Variants in FREM1 observed in about 807,000 individuals in gnomAD.
The protein encoded by FREM1 is FRAS1-related extracellular matrix protein 1.
FREM1 carries 220 observed loss-of-function variants against 210.1 expected under a neutral mutation model. The observed-to-expected ratio is 1.05, with a 90% CI of 0.94 to 1.17. FREM1 has a LOEUF of 1.17. Among genes scored for constraint, FREM1 ranks in the 50% most tolerant of loss-of-function variants. FREM1 has a pLI of 0.00. For synonymous variants in FREM1, 1,189 were observed against 980.2 expected (o/e 1.21, Z -3.98); for missense variants, 3,454 against 2,675.5 (o/e 1.29, Z -6.42).
At chr9:14,759,016 G>T (rs74347481) in intron 28 of FREM1, among the ~76,000 whole-genome samples, 2 of 152,158 alleles carry the variant, frequency 1.3e-5, no homozygotes, top group Non-Finnish European at 2.9e-5. Flanking sequence ...TGACTGAGGT[G>T]AATACTAAGA....
intron 8 of FREM1, 26 bp downstream of exon 8, chr9:14,845,934 C>G (rs777493218): frequency 1.2e-5 from 20 of 1,611,802 alleles, no homozygotes; most frequent in Admixed American, 5.0e-5. Context: ...GGATTCTTTG[C>G]TAGGTTACCA....
At chr9:14,745,783 A>T (rs1342116375) in intron 35 of FREM1, among the ~76,000 whole-genome samples, 2 of 152,220 alleles carry the variant, frequency 1.3e-5, no homozygotes, top group African/African-American at 2.4e-5. Flanking sequence ...GTCCTTCTGG[A>T]CTACATACAT....
At chr9:14,870,962 T>C (rs1021282612) in intron 1 of FREM1, among the ~76,000 whole-genome samples, 6 of 152,104 alleles carry the variant, frequency 3.9e-5, no homozygotes, top group African/African-American at 1.4e-4. Context: ...ATTTCATCCA[T>C]GTCCCTACAA....
intron 24 of FREM1, among the ~76,000 whole-genome samples, chr9:14,781,562 T>C (rs1178931635): frequency 6.6e-6 from 1 of 152,170 alleles, no homozygotes; most frequent in Non-Finnish European, 1.5e-5. Flanking sequence ...TTTTCTTATA[T>C]TTAGTTTTAT....
At chr9:14,849,766 G>C (rs1827338262) in intron 6 of FREM1, among the ~76,000 whole-genome samples, 3 of 152,104 alleles carry the variant, frequency 2.0e-5, no homozygotes, top group Non-Finnish European at 4.4e-5. Context: ...AAAAAATTGA[G>C]AGTTACTGTC....
In FREM1 at chr9:14,759,790, C is replaced by T. The variant is rs775863172; in HGVS notation, c.5316G>A (p.Ser1772=). 32 of 1,607,864 alleles carry T rather than the reference C, an allele frequency of 2.0e-5. No homozygotes were observed. Among genetic ancestry groups the T allele is most frequent in the South Asian group, 4.5e-5 (4 of 89,706 alleles). ...EIIRRGYSMD[S]AFVGIKVNQV... ...TCATTACCTTTATACCCACAAAGGC[C>T]GAGTCCATGGAATATCCCCTTCTGA... The change falls in exon 28 of 37, where the codon TCG becomes TCA. Residue 1772 remains serine (S), a synonymous_variant. Coordinates refer to ENST00000380880, the MANE Select transcript of FREM1 (RefSeq NM_001379081.2).
chr9:14,813,904 G>A (rs1819841485), intron 15 of FREM1, among the ~76,000 whole-genome samples: 1 of 152,148 alleles, frequency 6.6e-6, no homozygotes, highest in African/African-American at 2.4e-5. Context: ...TTTAACGTGT[G>A]GACTTTAAGT....
At position 14,748,382 on chromosome 9, in the gene FREM1, A is replaced by G. The variant is rs538439153; in HGVS notation, c.5796+19T>C. On this transcript the variant is annotated intron_variant, in intron 31 of 36. Transcript: ENST00000380880. Reference sequence around the variant, plus strand: ...ATATGTATTTTGCACATCATTTCCCAGAAGGTCCCCATCCTTACTGTTTTG... The same window carrying G: ...ATATGTATTTTGCACATCATTTCCCGGAAGGTCCCCATCCTTACTGTTTTG... 39 of 1,372,644 alleles carry G rather than the reference A, an allele frequency of 2.8e-5. No homozygotes were observed. In the East Asian group the frequency reaches 5.5e-4, roughly 19 times the overall value. The allele number at this position is 1,372,644 out of a possible 1,614,324, so 85.0% of individuals were successfully genotyped here.
chr9:14,884,596 G>C (rs1157198805), intron 1 of FREM1, among the ~76,000 whole-genome samples: 3 of 152,178 alleles, frequency 2.0e-5, no homozygotes, highest in African/African-American at 7.2e-5. Flanking sequence ...GAGGGGAAAT[G>C]TGAGCTAGTA....
In FREM1 at chr9:14,859,243, C is replaced by G. The variant is rs370556388; in HGVS notation, c.571G>C (p.Gly191Arg). ...RLPAHGQMVLGEPRPEEPRGD... is the reference protein window; with the variant it reads ...RLPAHGQMVLREPRPEEPRGD... ...CGAGGTTCTTCTGGTCGAGGCTCCC[C>G]GAGAACCATCTGGCCATGGGCTGGC... Residue 191 changes from glycine to arginine, a missense_variant, in exon 4 of 37, where the codon GGG becomes CGG. Physicochemically the swap from Gly to Arg is moderately radical, Grantham distance 125 (BLOSUM62 -2). Coordinates refer to ENST00000380880, the MANE Select transcript of FREM1 (RefSeq NM_001379081.2). 6.2e-7 allele frequency: 1 copy of G among 1,612,250 alleles called. No homozygotes were observed. The highest frequency in any genetic ancestry group is 8.5e-7 in the Non-Finnish European group (1 of 1,178,626).
At chr9:14,842,236 G>A (rs1332452879) in intron 9 of FREM1, 80 bp downstream of exon 9, 17 of 882,944 alleles carry the variant, frequency 1.9e-5, no homozygotes, top group Middle Eastern at 2.6e-4. Flanking sequence ...CACAATTTCA[G>A]CAAACCCAGA....
intron 20 of FREM1, 21 bp downstream of exon 20, chr9:14,801,631 T>C (rs762648534): frequency 1.3e-5 from 20 of 1,492,240 alleles, no homozygotes; most frequent in African/African-American, 2.8e-5. Flanking sequence ...AACAAATGCA[T>C]GGAAGTGGAA....
At chr9:14,899,775 C>G (rs1838448259) in intron 1 of FREM1, among the ~76,000 whole-genome samples, 1 of 152,204 alleles carries the variant, frequency 6.6e-6, no homozygotes, top group African/African-American at 2.4e-5. Flanking sequence ...TCCAGATAGG[C>G]TGACAAATAC....
chr9:14,868,560 G>A (rs1401586944), intron 2 of FREM1, among the ~76,000 whole-genome samples, 184 bp downstream of exon 2: 3 of 152,160 alleles, frequency 2.0e-5, no homozygotes, highest in African/African-American at 7.2e-5. Context: ...ACCTCACATA[G>A]AAAAGCAGCG....
rs1225526722 is a variant in FREM1 at position 14,784,595 on chromosome 9, T to C, written c.4217A>G (p.Lys1406Arg). Reference sequence around the variant, plus strand: ...GGTTGTTAAGAAACCTCTATCACCTTTAGACACCACGAGTGGTTTTGTAAG... The same window carrying C: ...GGTTGTTAAGAAACCTCTATCACCTCTAGACACCACGAGTGGTTTTGTAAG... The part of the protein sequence containing the change: ...VILTKPLVVS[K>R]GDRGFLTTTT... The change falls in exon 24 of 37, where the codon AAA becomes AGA. Residue 1406 changes from lysine (K) to arginine (R), a missense_variant. By Grantham distance (26) the Lys-to-Arg change is conservative. Transcript: ENST00000380880. 6.2e-7 allele frequency: 1 copy of C among 1,605,574 alleles called. No individual in the cohort carries two copies. The highest frequency in any genetic ancestry group is 1.7e-5 in the Admixed American group (1 of 58,886).
At chr9:14,842,169 G>A (rs1050630008) in intron 9 of FREM1, 147 bp downstream of exon 9, 3 of 576,706 alleles carry the variant, frequency 5.2e-6, no homozygotes, top group Non-Finnish European at 9.2e-6. Context: ...TATGAAATGG[G>A]AATAAAAATA....
At chr9:14,800,514 C>T (rs1226828118) in intron 20 of FREM1, among the ~76,000 whole-genome samples, 1 of 152,254 alleles carries the variant, frequency 6.6e-6, no homozygotes, top group African/African-American at 2.4e-5. Flanking sequence ...AAATTATCCC[C>T]TCAGAAAATA....
At chr9:14,880,526 C>T (rs984974839) in intron 1 of FREM1, among the ~76,000 whole-genome samples, 2 of 150,926 alleles carry the variant, frequency 1.3e-5, no homozygotes, top group African/African-American at 4.9e-5. Flanking sequence ...ATCACTTGAA[C>T]CCGGGAGGCA....
chr9:14,803,574 G>T (rs1410242167), intron 19 of FREM1, among the ~76,000 whole-genome samples: 2 of 152,022 alleles, frequency 1.3e-5, no homozygotes, highest in South Asian at 2.1e-4. Context: ...TTGCCACATT[G>T]CCCAGGCTGG....
Sources: allele counts gnomAD v4.1 joint callset (sites outside exome capture counted in the v4.1 genomes callset), GRCh38; gene constraint gnomAD v4.1.1; transcripts MANE v1.5; gene names NCBI Gene and HGNC (gene_info 2026-07-23, HGNC 2026-07-21).